Variants in ASDURF observed in about 807,000 individuals in gnomAD.
ASDURF encodes ASDURF protein.
Under a neutral mutation model 3.3 loss-of-function variants are expected in ASDURF, and 3 were observed. The observed-to-expected ratio is 0.92, with a 90% confidence interval of 0.42 to 2.37. The LOEUF (loss-of-function observed/expected upper bound fraction) is 2.37, where lower values mean the gene tolerates loss of function less well. ASDURF is among the 30% of genes most tolerant of loss of function. The probability of loss-of-function intolerance (pLI) is 0.05; values close to 1 mark genes in which losing one functional copy is unlikely to be tolerated. For synonymous variants in ASDURF, 11 were observed against 8.3 expected, an observed-to-expected ratio of 1.32 and a Z score of -0.55; for missense variants, 23 against 25.4, an observed-to-expected ratio of 0.90 and a Z score of 0.21.
intron 2 of ASDURF, among the ~76,000 whole-genome samples, chr2:189,664,443 G>A (rs2032740780): frequency 6.6e-6 from 1 of 152,202 alleles, no homozygotes; most frequent in South Asian, 2.1e-4. Context: ...AAACAAGTAA[G>A]CTACTGCTTT....
At position 189,666,391 on chromosome 2, in the gene ASDURF, G is replaced by A; in HGVS notation, c.*280G>A. The A allele has an allele frequency of 6.2e-7, 1 of 1,614,062 alleles. No individual in the cohort carries two copies. Among genetic ancestry groups the A allele is most frequent in the African/African-American group, 1.3e-5 (1 of 75,056 alleles). On this transcript the variant is annotated 3_prime_UTR_variant, in exon 4 of 4. Coordinates refer to ENST00000607829, the MANE Select transcript of ASDURF (RefSeq NM_001353493.2). ...AATTTTTAGTGGAATAAAGGTTGAA[G>A]CTGAAGAGAATGACACTCAAATTTT...
At chr2:189,662,821 G>A (rs777788275) in intron 1 of ASDURF, among the ~76,000 whole-genome samples, 1 of 151,980 alleles carries the variant, frequency 6.6e-6, no homozygotes, top group Non-Finnish European at 1.5e-5. Flanking sequence ...TGGTGGCCCA[G>A]GCCTGTAGTC....
Position 189,666,301 on chromosome 2 carries a change from AG to A in ASDURF, c.*194del. 4 of 1,614,058 alleles carry A rather than the reference AG, an allele frequency of 2.5e-6. No individual in the cohort carries two copies. In the African/African-American group the frequency reaches 5.3e-5, roughly 22 times the overall value. On this transcript the variant is annotated 3_prime_UTR_variant, in exon 4 of 4. Transcript: ENST00000607829. ...ATTTTCTGCTCACGTCCTACACTTG[AG>A]GGGTGTTTTGACTACCCAGCCTGTG...
intron 1 of ASDURF, among the ~76,000 whole-genome samples, chr2:189,662,303 C>G (rs1461107458): frequency 6.6e-6 from 1 of 152,110 alleles, no homozygotes; most frequent in Admixed American, 6.6e-5. Context: ...GGGTTATAGC[C>G]CTTCAGGTAT....
chr2:189,665,435 GCTGTCTGAGAGCAAGAGTAAGTTTTT>G lies in ASDURF; in HGVS notation c.205_220+10del. ...TCTTTCTTGCAGACCGAACAGAAATGCTGTCTGAGAGCAAGAGTAAGTTTTTTCTTTTTTGGGGTTTTTGGGGGGTG... is the reference window on the plus strand; with the variant it reads ...TCTTTCTTGCAGACCGAACAGAAATGTCTTTTTTGGGGTTTTTGGGGGGTG... On this transcript the variant is annotated splice_donor_variant and splice_donor_5th_base_variant and coding_sequence_variant and intron_variant, in exon 3 of 4. Transcript: ENST00000607829. LOFTEE classifies it high-confidence loss of function. 2.5e-6 allele frequency: 1 copy of G among 397,606 alleles called. No individual in the cohort carries two copies. Among genetic ancestry groups the G allele is most frequent in the Non-Finnish European group, 4.4e-6 (1 of 225,560 alleles). 24.6% of individuals were successfully genotyped at this position (397,606 alleles called of 1,614,324 possible).
chr2:189,661,583 C>G lies in ASDURF; in HGVS notation c.63C>G (p.Thr21=), dbSNP rs540108534. The G allele has an allele frequency of 2.5e-6, 1 of 399,288 alleles. No homozygotes were observed. Among genetic ancestry groups the G allele is most frequent in the East Asian group, 3.6e-5 (1 of 28,074 alleles). The allele number at this position is 399,288 out of a possible 1,614,324, so 24.7% of individuals were successfully genotyped here. The change falls in exon 1 of 4, where the codon ACC becomes ACG. Residue 21 remains threonine, a synonymous_variant. Transcript: ENST00000607829. ...SSVLIPTDNS[T]PHKEDLSSKI... ...TGCTGATCCCCACCGACAATTCGAC[C>G]CCACACAAGGAGGATCTAAGCAGCA...
At chr2:189,662,533 G>C (rs2032691451) in intron 1 of ASDURF, among the ~76,000 whole-genome samples, 1 of 152,076 alleles carries the variant, frequency 6.6e-6, no homozygotes, top group African/African-American at 2.4e-5. Context: ...CTGCCAACGG[G>C]GGAGACAGAA....
Position 189,661,477 on chromosome 2 carries a change from T to G in ASDURF, c.-44T>G, listed in dbSNP as rs144769459. On this transcript the variant is annotated 5_prime_UTR_variant, in exon 1 of 4. Transcript: ENST00000607829. ...ATGCGCTGTGGCTAATGCCGTAGGC[T>G]CCTTCAGGGCTGAGCCATCCCGCGT... 2.8e-3 allele frequency: 1,123 copies of G among 399,098 alleles called. 21 individuals carry two copies. The highest frequency in any genetic ancestry group is 0.02 in the African/African-American group (994 of 48,750). 24.7% of individuals were successfully genotyped at this position (399,098 alleles called of 1,614,324 possible).
At position 189,666,141 on chromosome 2, in the gene ASDURF, C is replaced by G. The variant is rs2032796055; in HGVS notation, c.*30C>G. 6.4e-7 allele frequency: 1 copy of G among 1,558,096 alleles called. No homozygotes were observed. Among genetic ancestry groups the G allele is most frequent in the African/African-American group, 1.4e-5 (1 of 72,970 alleles). ...CCTGATTTCACATAACAATGTGTGGCATTTGTTGTTCTGTAAACTTTTCTG... is the reference window on the plus strand; with the variant it reads ...CCTGATTTCACATAACAATGTGTGGGATTTGTTGTTCTGTAAACTTTTCTG... On this transcript the variant is annotated 3_prime_UTR_variant, in exon 4 of 4. Coordinates refer to ENST00000607829, the MANE Select transcript of ASDURF (RefSeq NM_001353493.2).
At position 189,666,169 on chromosome 2, in the gene ASDURF, G is replaced by C. The variant is rs769391454; in HGVS notation, c.*58G>C. The C allele has an allele frequency of 1.3e-6, 2 of 1,597,144 alleles. No individual in the cohort carries two copies. The highest frequency in any genetic ancestry group is 1.7e-6 in the Non-Finnish European group (2 of 1,173,090). ...TTGTTGTTCTGTAAACTTTTCTGCT[G>C]AGCATTTCAGTCAAGATTTAAAAGA... On this transcript the variant is annotated 3_prime_UTR_variant, in exon 4 of 4. Coordinates refer to ENST00000607829, the MANE Select transcript of ASDURF (RefSeq NM_001353493.2).
chr2:189,662,037 T>G (rs1178083685), intron 1 of ASDURF, among the ~76,000 whole-genome samples: 1 of 152,168 alleles, frequency 6.6e-6, no homozygotes, highest in Non-Finnish European at 1.5e-5. Context: ...TATGTCCCTT[T>G]ATCACCGTGA....
intron 1 of ASDURF, 132 bp from the exon 2 acceptor site, chr2:189,663,769 A>G (rs2032726728): frequency 3.0e-6 from 1 of 337,428 alleles, no homozygotes; most frequent in East Asian, 4.0e-5. Flanking sequence ...ATATTCACAA[A>G]CTGCCCGTTT....
rs1331095027 is a variant in ASDURF, at chr2:189,663,905, A to C, written c.95A>C (p.Lys32Thr). The change falls in exon 2 of 4, where the codon AAA (lysine) becomes ACA (threonine). Residue 32 changes from lysine to threonine, a missense_variant. Lys to Thr is a moderately conservative substitution (Grantham distance 78). Transcript: ENST00000607829. ...PHKEDLSSKI[K>T]EQKIVVDELS... ...AGTTTTTCTTTATTTCAATAGATTA[A>C]AGAACAAAAAATTGTGGTGGATGAA... 2 of 388,052 alleles carry C rather than the reference A, an allele frequency of 5.2e-6. No homozygotes were observed. Among genetic ancestry groups the C allele is most frequent in the Non-Finnish European group, 9.2e-6 (2 of 218,512 alleles). 24.0% of individuals were successfully genotyped at this position (388,052 alleles called of 1,614,324 possible).
intron 2 of ASDURF, among the ~76,000 whole-genome samples, chr2:189,664,647 G>C (rs2032744271): frequency 6.6e-6 from 1 of 152,130 alleles, no homozygotes; most frequent in Non-Finnish European, 1.5e-5. Flanking sequence ...TACTCAGGAG[G>C]CCGAGGCACA....
At chr2:189,663,199 A>G (rs984340547) in intron 1 of ASDURF, among the ~76,000 whole-genome samples, 20 of 151,692 alleles carry the variant, frequency 1.3e-4, no homozygotes, top group African/African-American at 4.8e-4. Context: ...TTCAATCTAA[A>G]TCACAACTTA....
At chr2:189,662,842 G>A (rs1309990930) in intron 1 of ASDURF, among the ~76,000 whole-genome samples, 1 of 151,818 alleles carries the variant, frequency 6.6e-6, no homozygotes, top group African/African-American at 2.4e-5. Context: ...CCAGCTACTC[G>A]GAGGCTAAGG....
chr2:189,666,234 T>C lies in ASDURF; in HGVS notation c.*123T>C. On this transcript the variant is annotated 3_prime_UTR_variant, in exon 4 of 4. Transcript: ENST00000607829. ...ATCTTAAACAGCGGGGACCCAATAGTAGTAAACAATTGTTAAAGTCTGATG... is the reference window on the plus strand; with the variant it reads ...ATCTTAAACAGCGGGGACCCAATAGCAGTAAACAATTGTTAAAGTCTGATG... 1 of 1,614,114 alleles carries C rather than the reference T, an allele frequency of 6.2e-7. No homozygotes were observed. The highest frequency in any genetic ancestry group is 8.5e-7 in the Non-Finnish European group (1 of 1,179,986).
chr2:189,664,466 A>G (rs1439097318), intron 2 of ASDURF, among the ~76,000 whole-genome samples: 1 of 152,256 alleles, frequency 6.6e-6, no homozygotes, highest in Non-Finnish European at 1.5e-5. Flanking sequence ...GTATGGTTAT[A>G]GTGTCAAATT....
intron 1 of ASDURF, among the ~76,000 whole-genome samples, chr2:189,663,444 G>A (rs1054336298): frequency 6.6e-6 from 1 of 151,916 alleles, no homozygotes; most frequent in Non-Finnish European, 1.5e-5. Flanking sequence ...GTAGAGATGG[G>A]GTGTCTGCAT....
Sources: gnomAD v4.1 joint callset for allele counts (sites outside exome capture counted in the v4.1 genomes callset) on GRCh38, gnomAD v4.1.1 for gene constraint, MANE v1.5 for transcripts, NCBI Gene and HGNC (gene_info 2026-07-23, HGNC 2026-07-21) for gene names.